The following AGBL4 variants were observed in gnomAD, a reference collection of about 807,000 sequenced individuals.
AGBL4 encodes the protein AGBL carboxypeptidase 4.
A neutral mutation model predicts 66.4 loss-of-function variants in AGBL4; 58 were observed. That is an observed-to-expected ratio of 0.87 (90% confidence interval 0.71 to 1.09). AGBL4 has a LOEUF of 1.09. Among genes scored for constraint, AGBL4 ranks in the 50% least tolerant of loss-of-function variants. The pLI is 0.00. For missense variants in AGBL4, 579 were observed against 631.0 expected (o/e 0.92, Z 0.88); for synonymous variants, 234 against 222.9 (o/e 1.05, Z -0.44).
At chr1:48,795,431 T>C (rs1645650753) in intron 6 of AGBL4, among the ~76,000 whole-genome samples, 1 of 152,150 alleles carries the variant, frequency 6.6e-6, no homozygotes, top group African/African-American at 2.4e-5. Flanking sequence ...TCCTTTTTCT[T>C]TTTTCTTTAA....
intron 3 of AGBL4, among the ~76,000 whole-genome samples, chr1:49,632,880 C>T (rs1645598091): frequency 6.6e-6 from 1 of 152,048 alleles, no homozygotes; most frequent in Non-Finnish European, 1.5e-5. Flanking sequence ...TAGAGACCAT[C>T]CTGGCCAACA....
At chr1:49,207,542 T>TTTTCTGTCTTTCTTTCTTTC in intron 4 of AGBL4, among the ~76,000 whole-genome samples, 1 of 78,030 alleles carries the variant, frequency 1.3e-5, no homozygotes, top group East Asian at 3.9e-4. Context: ...TTTTTCTTTC[T>TTTTCTGTCTTTCTTTCTTTC]TTTCTTTCTT....
At chr1:49,790,458 A>T (rs1399686641) in intron 2 of AGBL4, among the ~76,000 whole-genome samples, 1 of 152,136 alleles carries the variant, frequency 6.6e-6, no homozygotes, top group African/African-American at 2.4e-5. Flanking sequence ...TACTTGAAGT[A>T]CTTAAAACCA....
intron 4 of AGBL4, among the ~76,000 whole-genome samples, chr1:49,167,006 A>C (rs1389593436): frequency 6.6e-6 from 1 of 152,116 alleles, no homozygotes; most frequent in African/African-American, 2.4e-5. Context: ...GACCACACCC[A>C]ATGTTTATAC....
chr1:49,936,181 G>A (rs899107196), intron 1 of AGBL4, among the ~76,000 whole-genome samples: 15 of 152,294 alleles, frequency 9.8e-5, no homozygotes, highest in African/African-American at 2.9e-4. Flanking sequence ...CGAGAACTAC[G>A]TGAAGAATGC....
intron 6 of AGBL4, among the ~76,000 whole-genome samples, chr1:48,730,386 TCG>T (rs1383712892): frequency 6.6e-6 from 1 of 152,138 alleles, no homozygotes; most frequent in African/African-American, 2.4e-5. Context: ...TCTCTGGGTC[TCG>T]GTTTCACTAT....
At chr1:49,090,371 C>A (rs1381755759) in intron 4 of AGBL4, among the ~76,000 whole-genome samples, 1 of 152,078 alleles carries the variant, frequency 6.6e-6, no homozygotes, top group East Asian at 1.9e-4. Context: ...CTAGATCTGA[C>A]AAACAACTTT....
intron 5 of AGBL4, among the ~76,000 whole-genome samples, chr1:48,901,218 C>A (rs1652051062): frequency 6.6e-6 from 1 of 152,060 alleles, no homozygotes; most frequent in Admixed American, 6.5e-5. Flanking sequence ...CTGCCCATAC[C>A]AAGTGTTGGT....
At chr1:49,230,608 G>C (rs1275310357) in intron 4 of AGBL4, among the ~76,000 whole-genome samples, 2 of 152,044 alleles carry the variant, frequency 1.3e-5, no homozygotes, top group Non-Finnish European at 2.9e-5. Context: ...TCTATCTTGG[G>C]GTTTCAGTTG....
intron 4 of AGBL4, among the ~76,000 whole-genome samples, chr1:49,136,072 C>CA (rs1269131019): frequency 5.3e-5 from 8 of 151,930 alleles, no homozygotes; most frequent in African/African-American, 1.9e-4. Context: ...ATATGGCATC[C>CA]AAAACTGTAA....
At chr1:49,438,554 C>A (rs899789946) in intron 3 of AGBL4, among the ~76,000 whole-genome samples, 3 of 152,086 alleles carry the variant, frequency 2.0e-5, no homozygotes, top group Non-Finnish European at 4.4e-5. Flanking sequence ...AAACAAGAGG[C>A]CAATGGACAT....
chr1:48,948,291 C>T (rs17105303), intron 5 of AGBL4, among the ~76,000 whole-genome samples: 4,177 of 152,304 alleles, frequency 0.027, 155 homozygotes, highest in Admixed American at 0.11. Flanking sequence ...GTTTGTAAAT[C>T]AAGCCCTCCT....
chr1:49,011,721 G>A (rs1476125976), intron 5 of AGBL4, among the ~76,000 whole-genome samples: 1 of 152,104 alleles, frequency 6.6e-6, no homozygotes, highest in Non-Finnish European at 1.5e-5. Context: ...ATGAGTTCAT[G>A]TCCTTTGTAG....
intron 3 of AGBL4, among the ~76,000 whole-genome samples, chr1:49,559,949 A>G (rs1362942926): frequency 6.6e-6 from 1 of 152,100 alleles, no homozygotes; most frequent in African/African-American, 2.4e-5. Flanking sequence ...GGAGATCCCT[A>G]ATACACATCA....
chr1:49,287,643 G>A (rs1477637236), intron 3 of AGBL4, among the ~76,000 whole-genome samples: 1 of 152,182 alleles, frequency 6.6e-6, no homozygotes, highest in East Asian at 1.9e-4. Flanking sequence ...TCAGAGAAAT[G>A]CAAAGCAAAA....
At chr1:48,662,493 TA>T (rs1252214722) in intron 7 of AGBL4, among the ~76,000 whole-genome samples, 1 of 152,232 alleles carries the variant, frequency 6.6e-6, no homozygotes, top group African/African-American at 2.4e-5. Context: ...TAAAATGAGA[TA>T]AATTACTTAA....
intron 6 of AGBL4, among the ~76,000 whole-genome samples, chr1:48,803,998 A>G (rs1645865350): frequency 6.6e-6 from 1 of 152,210 alleles, no homozygotes; most frequent in African/African-American, 2.4e-5. Context: ...TCATCTATAA[A>G]ATGGAGATTA....
At chr1:49,961,378 AC>A (rs2148344098) in intron 1 of AGBL4, among the ~76,000 whole-genome samples, 1 of 151,984 alleles carries the variant, frequency 6.6e-6, no homozygotes, top group South Asian at 2.1e-4. Flanking sequence ...AGTGGTGCAC[AC>A]CTCTAGTCCT....
At chr1:49,065,800 T>C (rs1271372423) in intron 4 of AGBL4, among the ~76,000 whole-genome samples, 1 of 152,210 alleles carries the variant, frequency 6.6e-6, no homozygotes, top group Non-Finnish European at 1.5e-5. Context: ...GGCAGGACTA[T>C]TGAACAGCAG....
Sources: allele counts gnomAD v4.1 joint callset (sites outside exome capture counted in the v4.1 genomes callset), GRCh38; gene constraint gnomAD v4.1.1; transcripts MANE v1.5; gene names NCBI Gene and HGNC (gene_info 2026-07-23, HGNC 2026-07-21).